TAF3: variants seen among roughly 807,000 people sequenced by gnomAD.
The protein encoded by TAF3 is transcription initiation factor TFIID subunit 3.
In TAF3, 7 loss-of-function variants were observed where a neutral mutation model predicts 80.6. The observed-to-expected ratio is 0.09, with a 90% confidence interval of 0.05 to 0.16. TAF3 has a LOEUF of 0.16. TAF3 is among the 10% of genes least tolerant of loss of function. The pLI is 1.00. For missense variants in TAF3, 921 were observed against 1,140.2 expected, an observed-to-expected ratio of 0.81 and a Z score of 2.77; for synonymous variants, 444 against 446.1, an observed-to-expected ratio of 1.00 and a Z score of 0.06.
chr10:7,898,023 T>G (rs1837522021), intron 2 of TAF3, among the ~76,000 whole-genome samples: 2 of 152,224 alleles, frequency 1.3e-5, no homozygotes, highest in South Asian at 4.1e-4. Context: ...TTTAATATTC[T>G]TATTTTTTTC....
intron 2 of TAF3, among the ~76,000 whole-genome samples, chr10:7,926,074 A>G (rs1837813039): frequency 6.6e-6 from 1 of 152,176 alleles, no homozygotes; most frequent in African/African-American, 2.4e-5. Flanking sequence ...GCTTTTAGAA[A>G]GGATTTTGTT....
At chr10:7,937,998 A>G (rs879706653) in intron 2 of TAF3, among the ~76,000 whole-genome samples, 18 of 152,226 alleles carry the variant, frequency 1.2e-4, no homozygotes, top group Admixed American at 1.2e-3. Context: ...GGGATTTTGC[A>G]ATAGATGGTG....
intron 4 of TAF3, among the ~76,000 whole-genome samples, chr10:8,004,484 G>A (rs940061363): frequency 1.3e-5 from 2 of 151,670 alleles, no homozygotes; most frequent in Admixed American, 6.6e-5. Context: ...TTTTTTAAAT[G>A]TGCTGGTGGC....
chr10:7,944,004 A>G (rs1261304891), intron 2 of TAF3, among the ~76,000 whole-genome samples: 1 of 152,084 alleles, frequency 6.6e-6, no homozygotes, highest in Non-Finnish European at 1.5e-5. Context: ...TCTGCAATTG[A>G]TATGCGTAAG....
At chr10:7,999,208 C>G (rs554718848) in intron 4 of TAF3, among the ~76,000 whole-genome samples, 2 of 152,088 alleles carry the variant, frequency 1.3e-5, no homozygotes, top group Non-Finnish European at 2.9e-5. Context: ...AGTAGGTATT[C>G]TATTTAAAGC....
intron 2 of TAF3, among the ~76,000 whole-genome samples, chr10:7,881,387 G>T (rs1049627834): frequency 6.6e-5 from 10 of 151,310 alleles, no homozygotes; most frequent in Admixed American, 5.3e-4. Flanking sequence ...CTTTAATGCC[G>T]CCTCCAAGTC....
intron 2 of TAF3, among the ~76,000 whole-genome samples, chr10:7,859,954 C>CAT (rs1231229673): frequency 2.0e-5 from 3 of 152,146 alleles, no homozygotes; most frequent in African/African-American, 7.2e-5. Context: ...ATGGCAGTTA[C>CAT]ATATGTTGAA....
intron 2 of TAF3, among the ~76,000 whole-genome samples, chr10:7,947,980 A>G (rs775062189): frequency 3.4e-5 from 5 of 147,780 alleles, no homozygotes; most frequent in Non-Finnish European, 7.5e-5. Flanking sequence ...TTGACGCACT[A>G]TAACTTCCTG....
At chr10:7,861,570 A>T (rs1045659261) in intron 2 of TAF3, among the ~76,000 whole-genome samples, 2 of 152,156 alleles carry the variant, frequency 1.3e-5, no homozygotes, top group African/African-American at 4.8e-5. Context: ...AAAAATGATT[A>T]TATAATTCTG....
At chr10:7,876,201 C>G (rs191643421) in intron 2 of TAF3, among the ~76,000 whole-genome samples, 1 of 151,864 alleles carries the variant, frequency 6.6e-6, no homozygotes, top group Non-Finnish European at 1.5e-5. Flanking sequence ...GTGATGAAAT[C>G]GACTATTTTA....
chr10:7,882,115 T>C (rs1256525430), intron 2 of TAF3, among the ~76,000 whole-genome samples: 1 of 152,228 alleles, frequency 6.6e-6, no homozygotes, highest in Admixed American at 6.5e-5. Flanking sequence ...GCATTATAAA[T>C]TGTACTGAAT....
intron 2 of TAF3, among the ~76,000 whole-genome samples, chr10:7,854,940 A>G (rs1190199954): frequency 6.6e-6 from 1 of 152,216 alleles, no homozygotes; most frequent in Non-Finnish European, 1.5e-5. Flanking sequence ...AAGATGGAGA[A>G]TTAAATCTAT....
At chr10:7,987,480 A>G (rs1006025324) in intron 4 of TAF3, among the ~76,000 whole-genome samples, 1 of 152,156 alleles carries the variant, frequency 6.6e-6, no homozygotes, top group East Asian at 1.9e-4. Flanking sequence ...GTTTTCAAAC[A>G]TTTAAGTTGT....
intron 2 of TAF3, among the ~76,000 whole-genome samples, chr10:7,944,521 C>T (rs4747641): frequency 0.57 from 86,817 of 151,966 alleles, 25,848 homozygotes; most frequent in East Asian, 0.74. Flanking sequence ...AGATTTGCAA[C>T]GTTAAAGGAC....
In TAF3 at chr10:7,818,569, T is replaced by C. The variant is rs1487612938; in HGVS notation, c.-141T>C. 5.6e-6 allele frequency: 5 copies of C among 896,744 alleles called. No individual in the cohort carries two copies. The highest frequency in any genetic ancestry group is 8.0e-6 in the Non-Finnish European group (5 of 628,486). 55.5% of individuals were successfully genotyped at this position (896,744 alleles called of 1,614,324 possible). A position where few individuals can be genotyped will look rare whatever the true frequency, so the allele number is the denominator to read the frequency against. On this transcript the variant is annotated 5_prime_UTR_variant, in exon 1 of 7. Coordinates refer to ENST00000344293, the MANE Select transcript of TAF3 (RefSeq NM_031923.4). ...CTGGCGCGCTCCGTGCTGCTGGGGC[T>C]TTGAGGTGGTCGCCGGGGGTCCGGG...
chr10:7,863,626 A>AAAAAATATATAT (rs1218836662), intron 2 of TAF3, among the ~76,000 whole-genome samples: 1 of 48,098 alleles, frequency 2.1e-5, no homozygotes, highest in African/African-American at 7.8e-5. Flanking sequence ...AAAAAAAAAA[A>AAAAAATATATAT]ATATATATAT....
chr10:7,870,191 T>C (rs927777686), intron 2 of TAF3, among the ~76,000 whole-genome samples: 1 of 152,266 alleles, frequency 6.6e-6, no homozygotes. Context: ...CTCATTCTTA[T>C]GAGTAGGGAA....
intron 2 of TAF3, among the ~76,000 whole-genome samples, chr10:7,924,051 G>T (rs1051435473): frequency 6.6e-6 from 1 of 152,146 alleles, no homozygotes; most frequent in African/African-American, 2.4e-5. Flanking sequence ...CTTTCATTAA[G>T]ATAAAATTCT....
chr10:7,831,639 C>T (rs1836801597), intron 2 of TAF3, among the ~76,000 whole-genome samples: 2 of 152,144 alleles, frequency 1.3e-5, no homozygotes, highest in African/African-American at 2.4e-5. Context: ...CTACCGTGCC[C>T]GGCCTCATTA....
Sources: gnomAD v4.1 joint callset for allele counts (sites outside exome capture counted in the v4.1 genomes callset) on GRCh38, gnomAD v4.1.1 for gene constraint, MANE v1.5 for transcripts, NCBI Gene and HGNC (gene_info 2026-07-23, HGNC 2026-07-21) for gene names.